Variants in NRG3 observed in about 807,000 individuals in gnomAD.
NRG3 encodes the protein neuregulin 3, also known as pro-neuregulin-3, membrane-bound isoform.
A neutral mutation model predicts 66.9 loss-of-function variants in NRG3; 31 were observed. The ratio of observed to expected loss-of-function variants is 0.46; its 90% CI spans 0.35 to 0.63. The LOEUF (loss-of-function observed/expected upper bound fraction) is 0.63, where lower values mean the gene tolerates loss of function less well. Ranked by LOEUF, NRG3 falls within the 20% of genes least tolerant of loss-of-function variation. NRG3 has a pLI of 0.00. For missense variants in NRG3, 910 were observed against 878.9 expected (o/e 1.04, Z -0.45); for synonymous variants, 393 against 359.4 (o/e 1.09, Z -1.06).
chr10:82,757,349 A>T (rs2059121958), intron 3 of NRG3, among the ~76,000 whole-genome samples: 1 of 152,060 alleles, frequency 6.6e-6, no homozygotes, highest in African/African-American at 2.4e-5. Flanking sequence ...GAAAATAAAT[A>T]TGGAAATTAC....
chr10:82,266,457 G>A (rs1195390232), intron 1 of NRG3, among the ~76,000 whole-genome samples: 1 of 152,140 alleles, frequency 6.6e-6, no homozygotes, highest in African/African-American at 2.4e-5. Context: ...GGCTGGGGAA[G>A]ACAAGCCTCA....
chr10:82,558,207 T>G (rs2132974816), intron 2 of NRG3, among the ~76,000 whole-genome samples: 1 of 152,276 alleles, frequency 6.6e-6, no homozygotes. Context: ...CTTGTGTTGC[T>G]TTTGCTGTGA....
At chr10:82,919,497 A>G (rs539350642) in intron 4 of NRG3, among the ~76,000 whole-genome samples, 76 of 152,308 alleles carry the variant, frequency 5.0e-4, no homozygotes, top group Admixed American at 2.5e-3. Flanking sequence ...AGGCACAACC[A>G]CTGATCTTCC....
At chr10:82,424,126 A>G (rs1172362347) in intron 2 of NRG3, among the ~76,000 whole-genome samples, 2 of 151,972 alleles carry the variant, frequency 1.3e-5, no homozygotes, top group African/African-American at 4.8e-5. Flanking sequence ...TTGTATGGAC[A>G]TATTTTTTCA....
intron 2 of NRG3, among the ~76,000 whole-genome samples, chr10:82,365,352 G>A (rs963872890): frequency 6.6e-6 from 1 of 152,182 alleles, no homozygotes; most frequent in African/African-American, 2.4e-5. Flanking sequence ...TAATAACAAG[G>A]TGAAGAACCT....
intron 4 of NRG3, among the ~76,000 whole-genome samples, chr10:82,923,872 G>A (rs748280619): frequency 2.6e-5 from 4 of 151,808 alleles, no homozygotes; most frequent in Non-Finnish European, 5.9e-5. Context: ...TCAGGTGGGC[G>A]GGTTGCTTGA....
chr10:82,710,326 A>G (rs1216517902), intron 2 of NRG3, among the ~76,000 whole-genome samples: 3 of 152,116 alleles, frequency 2.0e-5, no homozygotes, highest in East Asian at 1.9e-4. Context: ...TGGCTCACAC[A>G]TGTAATCACA....
intron 2 of NRG3, among the ~76,000 whole-genome samples, chr10:82,592,323 C>T (rs2047027901): frequency 6.6e-6 from 1 of 152,038 alleles, no homozygotes; most frequent in African/African-American, 2.4e-5. Flanking sequence ...GTCCAATCGG[C>T]TAAAAGAAGA....
At chr10:82,567,402 T>G (rs1221139881) in intron 2 of NRG3, among the ~76,000 whole-genome samples, 1 of 151,876 alleles carries the variant, frequency 6.6e-6, no homozygotes, top group Non-Finnish European at 1.5e-5. Context: ...AAAAGAGTGT[T>G]TAAACTGGAG....
In NRG3 at chr10:82,450,070, T is replaced by C. The variant is rs113481290; in HGVS notation, c.953+91202T>C. 3.2e-3 allele frequency among the ~76,000 whole-genome samples: 487 copies of C among 152,344 alleles called. 1 individual carries two copies. The highest frequency in any genetic ancestry group is 0.011 in the African/African-American group (463 of 41,566). On this transcript the variant is annotated intron_variant, in intron 2 of 8. Coordinates refer to ENST00000372141, the MANE Select transcript of NRG3 (RefSeq NM_001010848.4). ...GTGGAGTGGTCTGTAGAAAAATAAG[T>C]TTGAGATATGCTTTTACTTTTATAC...
chr10:82,861,612 G>A (rs748546585), intron 3 of NRG3, among the ~76,000 whole-genome samples: 14 of 152,228 alleles, frequency 9.2e-5, no homozygotes, highest in East Asian at 7.7e-4. Flanking sequence ...TGTCACATCC[G>A]GAGGCAGAGC....
chr10:82,806,451 C>G (rs2061287123), intron 3 of NRG3, among the ~76,000 whole-genome samples: 1 of 152,182 alleles, frequency 6.6e-6, no homozygotes, highest in Non-Finnish European at 1.5e-5. Flanking sequence ...CTCATTCACA[C>G]ATCACGTATT....
intron 6 of NRG3, among the ~76,000 whole-genome samples, chr10:82,970,426 A>G (rs1406042862): frequency 2.0e-5 from 3 of 152,228 alleles, no homozygotes; most frequent in African/African-American, 7.2e-5. Context: ...CCACTTCCCA[A>G]GTAGCTGGGA....
intron 2 of NRG3, among the ~76,000 whole-genome samples, chr10:82,529,671 C>T (rs1847067821): frequency 6.6e-6 from 1 of 152,118 alleles, no homozygotes; most frequent in South Asian, 2.1e-4. Flanking sequence ...ATTTAGCATC[C>T]TCCATGGGAA....
intron 2 of NRG3, among the ~76,000 whole-genome samples, chr10:82,698,764 T>A (rs557218234): frequency 8.6e-4 from 129 of 149,224 alleles, no homozygotes; most frequent in Non-Finnish European, 1.6e-3. Context: ...AGAACACACA[T>A]AAAGTACCTG....
intron 1 of NRG3, among the ~76,000 whole-genome samples, chr10:82,336,529 CT>C (rs11345974): frequency 0.19 from 25,588 of 137,666 alleles, 4,009 homozygotes; most frequent in African/African-American, 0.44. Flanking sequence ...CTTTTCTTTT[CT>C]TTTTTTTTTT....
intron 2 of NRG3, among the ~76,000 whole-genome samples, chr10:82,569,699 C>T (rs930938259): frequency 6.6e-6 from 1 of 151,616 alleles, no homozygotes; most frequent in Non-Finnish European, 1.5e-5. Flanking sequence ...TAACCTTTCT[C>T]TTTATCCCTT....
rs532515541 is a variant in NRG3 at position 82,324,267 on chromosome 10, C to G, written c.824-34472C>G. Among the ~76,000 whole-genome samples, 24 of 152,190 alleles carry G rather than the reference C, an allele frequency of 1.6e-4. No homozygotes were observed. The South Asian group carries it at 4.8e-3, about 30-fold the overall frequency. On this transcript the variant is annotated intron_variant, in intron 1 of 8. Transcript: ENST00000372141. ...ATACCTCTACAGTCTGTAGTGCTGT[C>G]ATTTCTCTCATTTCTGTTATCGATA...
intron 1 of NRG3, among the ~76,000 whole-genome samples, chr10:82,337,263 G>A (rs9664304): frequency 0.017 from 2,559 of 152,220 alleles, 77 homozygotes; most frequent in African/African-American, 0.058. Context: ...TATGTAATAT[G>A]CAGACTTATG....
Sources: gnomAD v4.1 joint callset for allele counts (sites outside exome capture counted in the v4.1 genomes callset) on GRCh38, gnomAD v4.1.1 for gene constraint, MANE v1.5 for transcripts, NCBI Gene and HGNC (gene_info 2026-07-23, HGNC 2026-07-21) for gene names.